RBFOX1: variants seen among roughly 807,000 people sequenced by gnomAD.
RBFOX1 encodes RNA binding protein fox-1 homolog 1.
A neutral mutation model predicts 57.7 loss-of-function variants in RBFOX1; 8 were observed. That is an observed-to-expected ratio of 0.14 (90% CI 0.08 to 0.25). The LOEUF (loss-of-function observed/expected upper bound fraction) is 0.25, where lower values mean the gene tolerates loss of function less well. RBFOX1 is among the 10% of genes least tolerant of loss of function. RBFOX1 has a pLI of 1.00. For synonymous variants in RBFOX1, 326 were observed against 222.4 expected (o/e 1.47, Z -4.15); for missense variants, 611 against 548.5 (o/e 1.11, Z -1.14).
intron 4 of RBFOX1, among the ~76,000 whole-genome samples, chr16:5,882,690 A>G (rs1033316401): frequency 2.6e-5 from 4 of 152,148 alleles, no homozygotes; most frequent in Admixed American, 2.6e-4. Context: ...TGGTGCCTGG[A>G]CTGAAATGTT....
In RBFOX1 at chr16:6,104,748, A is replaced by G. The variant is rs141905475; in HGVS notation, c.-127+84756A>G. Among the ~76,000 whole-genome samples the G allele has an allele frequency of 2.0e-4, 31 of 152,358 alleles. No individual in the cohort carries two copies. In the East Asian group the frequency reaches 6.0e-3, roughly 29 times the overall value. Reference sequence around the variant, plus strand: ...AAAACAAACAAAGAGATAAAACAAAAAAACAGAATACAAATAGAAGCTACA... The same window carrying G: ...AAAACAAACAAAGAGATAAAACAAAGAAACAGAATACAAATAGAAGCTACA... On this transcript the variant is annotated intron_variant, in intron 1 of 15. Transcript: ENST00000550418.
chr16:7,255,226 G>A (rs1186290693), intron 4 of RBFOX1, among the ~76,000 whole-genome samples: 1 of 152,182 alleles, frequency 6.6e-6, no homozygotes, highest in African/African-American at 2.4e-5. Context: ...TAAACAGCTG[G>A]TTAAAGCCTG....
intron 1 of RBFOX1, among the ~76,000 whole-genome samples, chr16:6,106,543 T>C (rs2096381879): frequency 6.6e-6 from 1 of 151,744 alleles, no homozygotes; most frequent in Non-Finnish European, 1.5e-5. Flanking sequence ...TAAAAATGGG[T>C]TGACCTTCAA....
chr16:6,244,805 G>A (rs1270445899), intron 1 of RBFOX1, among the ~76,000 whole-genome samples: 1 of 152,178 alleles, frequency 6.6e-6, no homozygotes, highest in East Asian at 1.9e-4. Context: ...AACACACCCG[G>A]CAAACTTCAT....
chr16:7,175,449 C>T (rs1006549291), intron 4 of RBFOX1, among the ~76,000 whole-genome samples: 1 of 152,172 alleles, frequency 6.6e-6, no homozygotes, highest in East Asian at 1.9e-4. Flanking sequence ...GCTCCTCCCC[C>T]TTTAACGTGG....
intron 3 of RBFOX1, among the ~76,000 whole-genome samples, chr16:6,862,218 C>G (rs993038330): frequency 6.6e-6 from 1 of 152,134 alleles, no homozygotes; most frequent in South Asian, 2.1e-4. Context: ...GACCCTTACT[C>G]TAGAGAGTTA....
intron 3 of RBFOX1, among the ~76,000 whole-genome samples, chr16:5,619,773 G>A (rs1034909): frequency 1.3e-5 from 2 of 152,030 alleles, no homozygotes; most frequent in African/African-American, 4.8e-5. Flanking sequence ...CTCTGTACTT[G>A]GGCTCACCTC....
intron 2 of RBFOX1, among the ~76,000 whole-genome samples, chr16:6,532,954 C>A (rs1420056): frequency 0.031 from 4,718 of 152,276 alleles, 227 homozygotes; most frequent in African/African-American, 0.1. Flanking sequence ...AGGACAGTCT[C>A]CCAGTGTCCC....
At chr16:6,567,655 C>G (rs2097286302) in intron 2 of RBFOX1, among the ~76,000 whole-genome samples, 2 of 152,154 alleles carry the variant, frequency 1.3e-5, no homozygotes, top group African/African-American at 4.8e-5. Context: ...CAGCACTACA[C>G]CAGTGCCTGG....
chr16:6,192,475 C>T (rs1417736395), intron 1 of RBFOX1, among the ~76,000 whole-genome samples: 1 of 152,066 alleles, frequency 6.6e-6, no homozygotes, highest in Non-Finnish European at 1.5e-5. Flanking sequence ...TCCATTTTCC[C>T]CTTCCTTCCT....
At chr16:7,339,613 T>C (rs1388052920) in intron 4 of RBFOX1, among the ~76,000 whole-genome samples, 1 of 152,132 alleles carries the variant, frequency 6.6e-6, no homozygotes, top group African/African-American at 2.4e-5. Context: ...CTTATTTTTG[T>C]ATTTTTAGTA....
In RBFOX1 at chr16:5,322,817, A is replaced by T. The variant is rs539042326; in HGVS notation, c.219+82712A>T. 1.6e-3 allele frequency among the ~76,000 whole-genome samples: 247 copies of T among 152,362 alleles called. 3 individuals carry two copies. The South Asian group carries it at 0.025, about 16-fold the overall frequency. On this transcript the variant is annotated intron_variant, in intron 1 of 2. Transcript: ENST00000585867. ...CCTTATTCTACTTATTTTGAGAGTT[A>T]AATGTTATAATGCACTTAGGGCACT...
intron 2 of RBFOX1, among the ~76,000 whole-genome samples, chr16:6,416,311 G>A (rs887221832): frequency 5.3e-5 from 8 of 152,142 alleles, no homozygotes; most frequent in East Asian, 1.9e-4. Flanking sequence ...AAAATCACCC[G>A]ACAGTTTAGA....
chr16:7,118,298 G>GTA (rs2066362915), intron 4 of RBFOX1, among the ~76,000 whole-genome samples: 11 of 152,082 alleles, frequency 7.2e-5, no homozygotes, highest in Admixed American at 7.2e-4. Context: ...GGGTAAGGTG[G>GTA]TAGCTCATTA....
At chr16:7,398,415 A>C (rs140400008) in intron 4 of RBFOX1, among the ~76,000 whole-genome samples, 1 of 152,240 alleles carries the variant, frequency 6.6e-6, no homozygotes, top group African/African-American at 2.4e-5. Context: ...GTTAATGTCT[A>C]CAGTGTTAAA....
intron 2 of RBFOX1, among the ~76,000 whole-genome samples, chr16:6,435,341 C>A (rs2094204962): frequency 6.6e-6 from 1 of 152,150 alleles, no homozygotes; most frequent in Non-Finnish European, 1.5e-5. Flanking sequence ...CATTCTGTCG[C>A]CCAGGCTGGA....
At chr16:6,095,730 A>G (rs899058276) in intron 1 of RBFOX1, among the ~76,000 whole-genome samples, 1 of 151,552 alleles carries the variant, frequency 6.6e-6, no homozygotes, top group Non-Finnish European at 1.5e-5. Context: ...AAAGACATGG[A>G]GTTGAGACAG....
chr16:7,281,679 A>G (rs905595160), intron 4 of RBFOX1, among the ~76,000 whole-genome samples: 3 of 152,116 alleles, frequency 2.0e-5, no homozygotes, highest in Non-Finnish European at 2.9e-5. Flanking sequence ...TGAGAGCAAT[A>G]TGCAAATCAG....
chr16:6,680,559 G>A (rs1300161542), intron 3 of RBFOX1, among the ~76,000 whole-genome samples: 4 of 151,996 alleles, frequency 2.6e-5, no homozygotes, highest in Admixed American at 2.0e-4. Context: ...CACCGCGTCC[G>A]GCCCTCTTTG....
Sources: allele counts gnomAD v4.1 joint callset (sites outside exome capture counted in the v4.1 genomes callset), GRCh38; gene constraint gnomAD v4.1.1; transcripts MANE v1.5; gene names NCBI Gene and HGNC (gene_info 2026-07-23, HGNC 2026-07-21).